Variants in FNDC3B observed in about 807,000 individuals in gnomAD.
The protein encoded by FNDC3B is fibronectin type III domain containing 3B.
In FNDC3B, 12 loss-of-function variants were observed where a neutral mutation model predicts 151.5. The ratio of observed to expected loss-of-function variants is 0.08; its 90% CI spans 0.05 to 0.13. FNDC3B has a LOEUF of 0.13. FNDC3B is among the 10% of genes least tolerant of loss of function. FNDC3B has a pLI of 1.00. For synonymous variants in FNDC3B, 528 were observed against 549.0 expected (o/e 0.96, Z 0.54); for missense variants, 1,214 against 1,505.3 (o/e 0.81, Z 3.20).
intron 6 of FNDC3B, among the ~76,000 whole-genome samples, chr3:172,280,456 C>G (rs1329555708): frequency 6.6e-6 from 1 of 152,160 alleles, no homozygotes; most frequent in East Asian, 1.9e-4. Context: ...TTTTCCACGC[C>G]CCTAGTTCAT....
intron 23 of FNDC3B, among the ~76,000 whole-genome samples, chr3:172,376,617 A>G (rs1401379579): frequency 3.3e-5 from 5 of 152,172 alleles, no homozygotes; most frequent in Admixed American, 1.3e-4. Context: ...TAGGGTAGTA[A>G]TGTGTCAAGA....
intron 8 of FNDC3B, among the ~76,000 whole-genome samples, chr3:172,296,322 A>G (rs1375521143): frequency 1.1e-4 from 16 of 152,146 alleles, no homozygotes; most frequent in Non-Finnish European, 1.5e-5. Flanking sequence ...TTCCTGCTGC[A>G]TCAGTGCCAC....
At chr3:172,350,212 T>C (rs1466394607) in intron 21 of FNDC3B, among the ~76,000 whole-genome samples, 1 of 152,246 alleles carries the variant, frequency 6.6e-6, no homozygotes, top group Non-Finnish European at 1.5e-5. Flanking sequence ...ATTTTACATA[T>C]TAACCGATTT....
intron 1 of FNDC3B, among the ~76,000 whole-genome samples, chr3:172,106,621 T>G (rs539056687): frequency 2.1e-4 from 32 of 152,244 alleles, no homozygotes; most frequent in Non-Finnish European, 3.7e-4. Context: ...GTTGTTAATT[T>G]GAAGGCCAGT....
Position 172,192,428 on chromosome 3 carries a change from G to A in FNDC3B, c.188-34443G>A, listed in dbSNP as rs552482607. ...TCTTGCTCTCCTGACCTTGTGATCC[G>A]CCCGCCTCGGCCTCCCAAAGTGCTA... On this transcript the variant is annotated intron_variant, in intron 3 of 25. Transcript: ENST00000415807. 1.0e-3 allele frequency among the ~76,000 whole-genome samples: 152 copies of A among 151,902 alleles called. 1 individual carries two copies. Among genetic ancestry groups the A allele is most frequent in the Non-Finnish European group, 1.9e-3 (131 of 67,930 alleles).
At chr3:172,156,694 G>GTTTT in intron 3 of FNDC3B, among the ~76,000 whole-genome samples, 1 of 141,826 alleles carries the variant, frequency 7.1e-6, no homozygotes, top group Admixed American at 6.9e-5. Context: ...GAGTTTTGAA[G>GTTTT]TTTTTTTTTT....
At chr3:172,288,365 T>C (rs1434768524) in intron 7 of FNDC3B, among the ~76,000 whole-genome samples, 1 of 152,250 alleles carries the variant, frequency 6.6e-6, no homozygotes, top group Non-Finnish European at 1.5e-5. Flanking sequence ...GGTAACAGCC[T>C]GTCTGCAGGG....
At chr3:172,256,572 A>G (rs59943699) in intron 6 of FNDC3B, among the ~76,000 whole-genome samples, 2,338 of 152,314 alleles carry the variant, frequency 0.015, 59 homozygotes, top group African/African-American at 0.053. Context: ...GTTGCTCTTC[A>G]TTGAGTGAGA....
intron 25 of FNDC3B, among the ~76,000 whole-genome samples, chr3:172,392,750 T>G (rs990172073): frequency 1.1e-4 from 17 of 151,848 alleles, no homozygotes; most frequent in African/African-American, 3.9e-4. Context: ...TAGAATTATT[T>G]GGATTGAATT....
chr3:172,332,222 A>G (rs1481433099), intron 13 of FNDC3B, among the ~76,000 whole-genome samples: 1 of 152,116 alleles, frequency 6.6e-6, no homozygotes, highest in East Asian at 1.9e-4. Context: ...TGCCCACCTC[A>G]GCCTCCCAAA....
chr3:172,367,087 A>G (rs1017405643), intron 23 of FNDC3B, among the ~76,000 whole-genome samples: 2 of 152,184 alleles, frequency 1.3e-5, no homozygotes, highest in Admixed American at 6.5e-5. Flanking sequence ...CTATGTTGAA[A>G]GGATTCTACC....
intron 1 of FNDC3B, among the ~76,000 whole-genome samples, chr3:172,078,419 C>T (rs1252280117): frequency 6.6e-6 from 1 of 152,178 alleles, no homozygotes; most frequent in Non-Finnish European, 1.5e-5. Flanking sequence ...CTGTTTTGTA[C>T]TATGGACCTG....
In FNDC3B at chr3:172,045,553, C is replaced by T. The variant is rs555464155; in HGVS notation, c.-29+5782C>T. Among the ~76,000 whole-genome samples the T allele has an allele frequency of 1.4e-3, 214 of 152,308 alleles. 6 individuals are homozygous for T. In the South Asian group the frequency reaches 0.04, roughly 28 times the overall value. On this transcript the variant is annotated intron_variant, in intron 1 of 25. Transcript: ENST00000415807. Reference sequence around the variant, plus strand: ...ATTACAGCTGAGAATGGAAAAGAATCGTATTTTCAGTGTAGGGGAGTCTTT... The same window carrying T: ...ATTACAGCTGAGAATGGAAAAGAATTGTATTTTCAGTGTAGGGGAGTCTTT...
chr3:172,279,076 A>G (rs913370988), intron 6 of FNDC3B, among the ~76,000 whole-genome samples: 20 of 152,210 alleles, frequency 1.3e-4, no homozygotes, highest in African/African-American at 4.8e-4. Context: ...TCAGTTCATT[A>G]AAGACCTAGA....
intron 1 of FNDC3B, among the ~76,000 whole-genome samples, chr3:172,054,012 T>C (rs1318447067): frequency 6.6e-6 from 1 of 152,190 alleles, no homozygotes; most frequent in Non-Finnish European, 1.5e-5. Flanking sequence ...TCGGACACTT[T>C]AAACACTCTA....
intron 6 of FNDC3B, among the ~76,000 whole-genome samples, chr3:172,258,301 C>T (rs1238201738): frequency 6.6e-6 from 1 of 152,136 alleles, no homozygotes; most frequent in Admixed American, 6.6e-5. Context: ...GTGATGAGGG[C>T]ATTATTCTTG....
At position 172,288,429 on chromosome 3, in the gene FNDC3B, G is replaced by A. The variant is rs543028996; in HGVS notation, c.849+2445G>A. 6.6e-5 allele frequency among the ~76,000 whole-genome samples: 10 copies of A among 152,310 alleles called. No individual in the cohort carries two copies. The South Asian group carries it at 2.1e-3, about 32-fold the overall frequency. On this transcript the variant is annotated intron_variant, in intron 7 of 25. Transcript: ENST00000415807. Reference sequence around the variant, plus strand: ...TCTCATTACCCTCCTCCAAACCTTTGAAGTGGACTTTGAATGAGAAATTCA... The same window carrying A: ...TCTCATTACCCTCCTCCAAACCTTTAAAGTGGACTTTGAATGAGAAATTCA...
At position 172,204,501 on chromosome 3, in the gene FNDC3B, A is replaced by G. The variant is rs1472840514; in HGVS notation, c.188-22370A>G. Reference sequence around the variant, plus strand: ...ATACATACATGCACAGACAAAAATAAAAGCATAGAATACATTTATAATGTG... The same window carrying G: ...ATACATACATGCACAGACAAAAATAGAAGCATAGAATACATTTATAATGTG... On this transcript the variant is annotated intron_variant, in intron 3 of 25. Transcript: ENST00000415807. Among the ~76,000 whole-genome samples, 6 of 152,318 alleles carry G rather than the reference A, an allele frequency of 3.9e-5. No individual in the cohort carries two copies. The East Asian group carries it at 1.2e-3, about 29-fold the overall frequency.
chr3:172,285,270 C>T (rs1178823226), intron 6 of FNDC3B, among the ~76,000 whole-genome samples: 1 of 152,182 alleles, frequency 6.6e-6, no homozygotes, highest in African/African-American at 2.4e-5. Context: ...TCAGCTCTAG[C>T]CCAGGCCAGC....
Sources: gnomAD v4.1 joint callset for allele counts (sites outside exome capture counted in the v4.1 genomes callset) on GRCh38, gnomAD v4.1.1 for gene constraint, MANE v1.5 for transcripts, NCBI Gene and HGNC (gene_info 2026-07-23, HGNC 2026-07-21) for gene names.